The following MYO3B variants were observed in gnomAD, a reference collection of about 807,000 sequenced individuals.
The protein encoded by MYO3B is myosin-IIIb.
Under a neutral mutation model 174.6 loss-of-function variants are expected in MYO3B, and 156 were observed. The observed-to-expected ratio is 0.89, with a 90% confidence interval of 0.78 to 1.02. The LOEUF (loss-of-function observed/expected upper bound fraction) is 1.02, where lower values mean the gene tolerates loss of function less well. Ranked by LOEUF, MYO3B falls within the 50% of genes least tolerant of loss-of-function variation. The pLI is 0.00. For missense variants in MYO3B, 1,632 were observed against 1,639.4 expected, an observed-to-expected ratio of 1.00 and a Z score of 0.08; for synonymous variants, 563 against 569.1, an observed-to-expected ratio of 0.99 and a Z score of 0.15.
At chr2:170,519,296 T>C (rs147558989) in intron 29 of MYO3B, 142 bp from the exon 30 acceptor site, 30 of 588,272 alleles carry the variant, frequency 5.1e-5, no homozygotes, top group African/African-American at 4.1e-4. Flanking sequence ...TTTAATGACA[T>C]ATCCTAGAAA....
At chr2:170,559,945 T>C (rs1339645232) in intron 32 of MYO3B, among the ~76,000 whole-genome samples, 1 of 152,160 alleles carries the variant, frequency 6.6e-6, no homozygotes, top group East Asian at 1.9e-4. Context: ...TGTGTGATGC[T>C]CTGGAAGCTT....
intron 8 of MYO3B, among the ~76,000 whole-genome samples, chr2:170,353,666 A>G (rs1252497013): frequency 1.3e-5 from 2 of 152,146 alleles, no homozygotes; most frequent in Non-Finnish European, 2.9e-5. Context: ...GGGCCGGGGT[A>G]TATGGGAAAT....
At chr2:170,513,546 T>C (rs1445494086) in intron 28 of MYO3B, among the ~76,000 whole-genome samples, 1 of 152,234 alleles carries the variant, frequency 6.6e-6, no homozygotes, top group East Asian at 1.9e-4. Flanking sequence ...ACCTCATTTT[T>C]AACTAACTAC....
At chr2:170,500,247 T>A (rs758006025) in intron 27 of MYO3B, among the ~76,000 whole-genome samples, 1 of 152,076 alleles carries the variant, frequency 6.6e-6, no homozygotes, top group Non-Finnish European at 1.5e-5. Context: ...ACCCTCTTCA[T>A]AGGGGAGAGG....
intron 7 of MYO3B, among the ~76,000 whole-genome samples, chr2:170,241,918 C>T (rs751524760): frequency 6.6e-5 from 10 of 152,146 alleles, no homozygotes; most frequent in Admixed American, 1.3e-4. Flanking sequence ...CCTGCTCCTC[C>T]GCTGTGAGAT....
intron 32 of MYO3B, among the ~76,000 whole-genome samples, chr2:170,550,774 T>A (rs1172107098): frequency 2.0e-5 from 3 of 152,218 alleles, no homozygotes; most frequent in Non-Finnish European, 4.4e-5. Context: ...CTCGGGAAGT[T>A]GTCAAGAACA....
At chr2:170,385,517 C>T (rs770828102) in intron 12 of MYO3B, among the ~76,000 whole-genome samples, 1 of 152,072 alleles carries the variant, frequency 6.6e-6, no homozygotes, top group Non-Finnish European at 1.5e-5. Context: ...TTTATTATAC[C>T]ACATCCACTA....
intron 7 of MYO3B, among the ~76,000 whole-genome samples, chr2:170,255,397 C>T (rs1001225699): frequency 2.0e-5 from 3 of 151,972 alleles, no homozygotes; most frequent in African/African-American, 7.2e-5. Context: ...CACTGAAGTA[C>T]AAAAAAGGTA....
chr2:170,409,587 T>C (rs1423686555), intron 22 of MYO3B, among the ~76,000 whole-genome samples: 1 of 152,262 alleles, frequency 6.6e-6, no homozygotes, highest in Non-Finnish European at 1.5e-5. Flanking sequence ...CATCAAAACT[T>C]ATAAGCATGA....
chr2:170,628,837 T>C (rs944898016), intron 32 of MYO3B, among the ~76,000 whole-genome samples: 1 of 152,114 alleles, frequency 6.6e-6, no homozygotes, highest in South Asian at 2.1e-4. Flanking sequence ...AGTTTGGATA[T>C]TTTTACCAAA....
chr2:170,183,059 C>G (rs113180841), intron 1 of MYO3B, among the ~76,000 whole-genome samples: 8,299 of 151,940 alleles, frequency 0.055, 558 homozygotes, highest in East Asian at 0.3. Context: ...AGTTCAAGAC[C>G]AGCCTGGGCA....
At chr2:170,445,281 G>A (rs2094832207) in intron 23 of MYO3B, among the ~76,000 whole-genome samples, 1 of 152,112 alleles carries the variant, frequency 6.6e-6, no homozygotes, top group African/African-American at 2.4e-5. Context: ...TCTCCATGAG[G>A]CATATCACAA....
At chr2:170,377,455 T>C (rs955354601) in intron 9 of MYO3B, among the ~76,000 whole-genome samples, 15 of 152,212 alleles carry the variant, frequency 9.9e-5, no homozygotes, top group Non-Finnish European at 1.6e-4. Context: ...CTTCAGATTC[T>C]ATTCTTACGC....
At position 170,401,544 on chromosome 2, in the gene MYO3B, T is replaced by TC. The variant is rs1402631031; in HGVS notation, c.1983dup (p.Thr662HisfsTer39). 21 of 1,614,200 alleles carry TC rather than the reference T, an allele frequency of 1.3e-5. No individual in the cohort carries two copies. The highest frequency in any genetic ancestry group is 1.8e-5 in the Non-Finnish European group (21 of 1,180,020). On this transcript the variant is annotated frameshift_variant, in exon 18 of 35. Transcript: ENST00000408978. LOFTEE classifies it high-confidence loss of function. ...GAGGCCCTCACCTCCCACTGTGTGG[T>TC]CACCCGGGGCGAGACCATCATCCGT... is the stretch of plus-strand genomic sequence containing the variant.
intron 28 of MYO3B, among the ~76,000 whole-genome samples, chr2:170,510,020 C>G (rs1393877389): frequency 6.6e-6 from 1 of 152,194 alleles, no homozygotes; most frequent in African/African-American, 2.4e-5. Flanking sequence ...TCACCAAATA[C>G]AGAAGCAGAG....
chr2:170,242,037 C>A (rs1021549414), intron 7 of MYO3B, among the ~76,000 whole-genome samples: 1 of 152,154 alleles, frequency 6.6e-6, no homozygotes, highest in Non-Finnish European at 1.5e-5. Flanking sequence ...GAAATTAAAA[C>A]TAAACTATTG....
rs2094300063 is a variant in MYO3B, at chr2:170,377,176, GAT to G, written c.972-4837_972-4836del. Among the ~76,000 whole-genome samples the G allele has an allele frequency of 2.0e-5, 3 of 152,218 alleles. No homozygotes were observed. The South Asian group carries it at 6.2e-4, about 32-fold the overall frequency. On this transcript the variant is annotated intron_variant, in intron 9 of 34. Coordinates refer to ENST00000408978, the MANE Select transcript of MYO3B (RefSeq NM_138995.5). ...AAGAAGCTAGCAGGCCCAGTGATGA[GAT>G]ATTAGAGAACAATGACACAGAAATG...
chr2:170,381,972 T>A lies in MYO3B; in HGVS notation c.972-44T>A. ...TGCTTGCTGCCCGCTTTCTGCTACA[T>A]TATTTGCTGTCTTAATGCTTAAACT... is the stretch of plus-strand genomic sequence containing the variant. On this transcript the variant is annotated intron_variant, in intron 9 of 34. Transcript: ENST00000408978. The A allele has an allele frequency of 2.0e-6, 3 of 1,516,582 alleles. No individual in the cohort carries two copies. The East Asian group carries it at 6.8e-5, about 35-fold the overall frequency. The allele number at this position is 1,516,582 out of a possible 1,614,324, so 93.9% of individuals were successfully genotyped here.
At chr2:170,340,800 G>T (rs879313474) in intron 8 of MYO3B, 1 of 152,194 alleles carries the variant, frequency 6.6e-6, no homozygotes, top group African/African-American at 2.4e-5. Flanking sequence ...GGTGGGAGAA[G>T]GTCAGAGGGA....
Sources: allele counts gnomAD v4.1 joint callset (sites outside exome capture counted in the v4.1 genomes callset), GRCh38; gene constraint gnomAD v4.1.1; transcripts MANE v1.5; gene names NCBI Gene and HGNC (gene_info 2026-07-23, HGNC 2026-07-21).